TAB2: variants seen among roughly 807,000 people sequenced by gnomAD.
The protein encoded by TAB2 is TGF-beta-activated kinase 1 and MAP3K7-binding protein 2.
In TAB2, 3 loss-of-function variants were observed where a neutral mutation model predicts 65.0. That is an observed-to-expected ratio of 0.05 (90% CI 0.02 to 0.12). The LOEUF (loss-of-function observed/expected upper bound fraction) is 0.12. Among genes scored for constraint, TAB2 ranks in the 10% least tolerant of loss-of-function variants. The pLI, the probability that TAB2 is intolerant of heterozygous loss-of-function variation, is 1.00. For synonymous variants in TAB2, 298 were observed against 285.1 expected (o/e 1.05, Z -0.46); for missense variants, 623 against 840.3 (o/e 0.74, Z 3.20).
intron 3 of TAB2, among the ~76,000 whole-genome samples, chr6:149,392,361 T>G (rs374783911): frequency 4.6e-5 from 7 of 152,282 alleles, no homozygotes; most frequent in East Asian, 1.9e-4. Flanking sequence ...AGGCTGGTCT[T>G]GAACTCCTGA....
intron 1 of TAB2, among the ~76,000 whole-genome samples, chr6:149,365,217 A>C (rs1248143051): frequency 5.3e-5 from 8 of 152,172 alleles, no homozygotes; most frequent in Admixed American, 1.3e-4. Flanking sequence ...GTCTCTGTTT[A>C]TTATGAGAAA....
intron 1 of TAB2, among the ~76,000 whole-genome samples, chr6:149,240,109 G>A (rs62425951): frequency 0.017 from 2,591 of 152,262 alleles, 40 homozygotes; most frequent in Non-Finnish European, 0.026. Context: ...AAACTGCCCC[G>A]TTGTGCTATC....
chr6:149,367,705 G>A (rs901615446), intron 1 of TAB2, among the ~76,000 whole-genome samples: 2 of 152,116 alleles, frequency 1.3e-5, no homozygotes, highest in African/African-American at 2.4e-5. Context: ...TTGGACAAGA[G>A]CAGTAACAAG....
chr6:149,400,715 C>A (rs988609439), intron 6 of TAB2: 21 of 1,595,408 alleles, frequency 1.3e-5, no homozygotes, highest in Non-Finnish European at 1.8e-5. Context: ...GAACGCTGTT[C>A]TTTAAAGACC....
rs1166555217 is a variant in TAB2 at position 149,317,768 on chromosome 6, T to TCCCCC, written c.-336_-332dup. The stretch of plus-strand genomic sequence containing the variant: ...GGCGACCCAGCCCGACCCCCTCCCC[T>TCCCCC]CCCCCTCAGCCAGGAGCGGTGGCGG... On this transcript the variant is annotated 5_prime_UTR_variant, in exon 1 of 7. Coordinates refer to ENST00000637181, the MANE Select transcript of TAB2 (RefSeq NM_001292034.3). This position sits in a 1 kb window ranked among gnomAD's most constrained non-coding sequence, Gnocchi z 4.7. The TCCCCC allele has an allele frequency of 2.5e-4, 39 of 158,602 alleles. No homozygotes were observed. Among genetic ancestry groups the TCCCCC allele is most frequent in the African/African-American group, 9.4e-4 (38 of 40,360 alleles). 9.8% of individuals were successfully genotyped at this position (158,602 alleles called of 1,614,324 possible). A position where few individuals can be genotyped will look rare whatever the true frequency, so the allele number is the denominator to read the frequency against.
intron 1 of TAB2, among the ~76,000 whole-genome samples, chr6:149,232,258 C>A (rs1249827361): frequency 1.3e-5 from 2 of 152,010 alleles, no homozygotes; most frequent in African/African-American, 2.4e-5. Flanking sequence ...GACGGACTCT[C>A]GCTCTGTCGC....
At chr6:149,386,186 T>A (rs961372763) in intron 3 of TAB2, among the ~76,000 whole-genome samples, 1 of 152,228 alleles carries the variant, frequency 6.6e-6, no homozygotes, top group African/African-American at 2.4e-5. Context: ...CTCTACAATA[T>A]GTCTGACATT....
chr6:149,316,838 C>G (rs1779264754), upstream of TAB2, among the ~76,000 whole-genome samples: 2 of 152,102 alleles, frequency 1.3e-5, no homozygotes. Context: ...CAGAAGCCGA[C>G]ACTTTTTCCA....
At chr6:149,376,142 A>C (rs1036008004) in intron 2 of TAB2, among the ~76,000 whole-genome samples, 4 of 152,098 alleles carry the variant, frequency 2.6e-5, no homozygotes, top group Non-Finnish European at 5.9e-5. Flanking sequence ...TTGTGTTGAC[A>C]ATTTATATTA....
At chr6:149,276,333 T>A (rs1181134106) in intron 1 of TAB2, among the ~76,000 whole-genome samples, 1 of 152,222 alleles carries the variant, frequency 6.6e-6, no homozygotes. Context: ...GGTTTATACC[T>A]CTATATATTG....
chr6:149,248,934 C>A (rs1436882724), intron 1 of TAB2, among the ~76,000 whole-genome samples: 2 of 152,088 alleles, frequency 1.3e-5, no homozygotes, highest in East Asian at 3.9e-4. Context: ...ATGTGTCCAC[C>A]CTCTCCCACG....
intron 6 of TAB2, among the ~76,000 whole-genome samples, chr6:149,408,072 G>A (rs1782727029): frequency 6.6e-6 from 1 of 152,162 alleles, no homozygotes; most frequent in African/African-American, 2.4e-5. Context: ...TTAGTAAGTA[G>A]GATGGATCCC....
chr6:149,364,680 A>G (rs149874969), intron 1 of TAB2, among the ~76,000 whole-genome samples: 1 of 149,814 alleles, frequency 6.7e-6, no homozygotes, highest in African/African-American at 2.5e-5. Context: ...AGATGATGAT[A>G]GTCCCAGTTT....
chr6:149,346,911 ATTCTCTTTTCT>A (rs1193187912), intron 1 of TAB2, among the ~76,000 whole-genome samples: 1 of 152,110 alleles, frequency 6.6e-6, no homozygotes, highest in Non-Finnish European at 1.5e-5. Context: ...AAGTGCTTTT[ATTCTCTTTTCT>A]CCTCTTTCCC....
intron 1 of TAB2, among the ~76,000 whole-genome samples, chr6:149,330,197 A>G (rs1779741960): frequency 6.6e-6 from 1 of 152,018 alleles, no homozygotes; most frequent in Non-Finnish European, 1.5e-5. Context: ...CATTGTATGG[A>G]TATACCACAA....
chr6:149,315,808 G>A (rs569313978), upstream of TAB2, among the ~76,000 whole-genome samples: 6 of 152,160 alleles, frequency 3.9e-5, no homozygotes, highest in Admixed American at 2.6e-4. Flanking sequence ...TGCACTGCTG[G>A]TGCAAGGATG....
chr6:149,239,842 A>G (rs1777565486), intron 1 of TAB2, among the ~76,000 whole-genome samples: 3 of 152,178 alleles, frequency 2.0e-5, no homozygotes, highest in Non-Finnish European at 4.4e-5. Flanking sequence ...CTGTCTTCGC[A>G]GAGATGATAG....
chr6:149,378,330 G>A lies in TAB2; in HGVS notation c.415G>A (p.Val139Ile), dbSNP rs778700122. 1 of 1,614,206 alleles carries A rather than the reference G, an allele frequency of 6.2e-7. No individual in the cohort carries two copies. The highest frequency in any genetic ancestry group is 1.7e-5 in the Admixed American group (1 of 60,030). ...APAQVPQGFN[V>I]FGMSSSSGAS... ...AGCTCAAGTTCCTCAAGGCTTTAAT[G>A]TTTTTGGAATGTCCAGTTCCTCTGG... Residue 139 changes from valine (V) to isoleucine (I), a missense_variant, in exon 3 of 7, where the codon GTT becomes ATT. Coordinates refer to ENST00000637181, the MANE Select transcript of TAB2 (RefSeq NM_001292034.3).
At chr6:149,249,667 T>C (rs555551696) in intron 1 of TAB2, among the ~76,000 whole-genome samples, 15 of 152,242 alleles carry the variant, frequency 9.9e-5, no homozygotes, top group African/African-American at 3.6e-4. Flanking sequence ...TCTGTCTCTC[T>C]CTCTTTCTCT....
Sources: allele counts gnomAD v4.1 joint callset (sites outside exome capture counted in the v4.1 genomes callset), GRCh38; gene constraint gnomAD v4.1.1; non-coding constraint Gnocchi (gnomAD v3.1); transcripts MANE v1.5; gene names NCBI Gene and HGNC (gene_info 2026-07-23, HGNC 2026-07-21).